Variants in PPP2R3B observed in about 807,000 individuals in gnomAD.
PPP2R3B encodes the protein serine/threonine-protein phosphatase 2A regulatory subunit B'' subunit beta.
In PPP2R3B, 68 loss-of-function variants were observed where a neutral mutation model predicts 72.9. That is an observed-to-expected ratio of 0.93 (90% CI 0.77 to 1.14). The LOEUF (loss-of-function observed/expected upper bound fraction) is 1.14. Ranked by LOEUF, PPP2R3B falls within the 50% of genes most tolerant of loss-of-function variation. The pLI is 0.00. For synonymous variants in PPP2R3B, 466 were observed against 375.8 expected (o/e 1.24, Z -2.78); for missense variants, 1,018 against 842.0 (o/e 1.21, Z -2.59).
At chrX:355,910 A>G (rs2071425381) in intron 2 of PPP2R3B, among the ~76,000 whole-genome samples, 1 of 152,070 alleles carries the variant, frequency 6.6e-6, no homozygotes, top group Admixed American at 6.5e-5. Context: ...GGTGCTGTGG[A>G]TAGTTTCATG....
At chrX:340,973 C>G in intron 9 of PPP2R3B, 33 bp from the exon 10 acceptor site, 1 of 1,600,366 alleles carries the variant, frequency 6.2e-7, no homozygotes, top group Non-Finnish European at 8.5e-7. Context: ...AGCCCCTGCC[C>G]TGGGCCCTCC....
At chrX:352,002 C>A (rs2071341766) in intron 2 of PPP2R3B, among the ~76,000 whole-genome samples, 2 of 152,172 alleles carry the variant, frequency 1.3e-5, no homozygotes, top group Non-Finnish European at 2.9e-5. Context: ...GACAGCTGCA[C>A]CCCCGGCGTC....
At chrX:379,211 CTGTGTATGCACCTG>C (rs1462820236) in intron 1 of PPP2R3B, among the ~76,000 whole-genome samples, 2 of 147,196 alleles carry the variant, frequency 1.4e-5, no homozygotes, top group Non-Finnish European at 3.0e-5. Flanking sequence ...GTGTATGCAC[CTGTGTATGCACCTG>C]TGTGTATGCA....
intron 1 of PPP2R3B, among the ~76,000 whole-genome samples, chrX:383,416 T>G (rs905161680): frequency 5.3e-5 from 8 of 152,172 alleles, no homozygotes; most frequent in Non-Finnish European, 1.2e-4. Context: ...ACATTCTGAA[T>G]ATTTCAGGCT....
rs1404809051 is a variant in PPP2R3B at position 345,499 on chromosome X, CCT to C, written c.1036+15_1036+16del. 1.2e-6 allele frequency: 2 copies of C among 1,612,340 alleles called. No homozygotes were observed. Among genetic ancestry groups the C allele is most frequent in the Non-Finnish European group, 8.5e-7 (1 of 1,179,398 alleles). ...TCGGTGTCCGCGCGGCCCGCCCGCC[CCT>C]GTGCCCCCACGCACCGTGGTCATTG... On this transcript the variant is annotated intron_variant, in intron 7 of 12. Transcript: ENST00000390665.
chrX:377,849 C>T (rs1310187694), intron 1 of PPP2R3B, among the ~76,000 whole-genome samples: 1 of 105,846 alleles, frequency 9.4e-6, no homozygotes, highest in Non-Finnish European at 1.9e-5. Context: ...ACGGGCCGTC[C>T]ACACCCAGTG....
In PPP2R3B at chrX:386,833, G is replaced by C. The variant is rs1037370353; in HGVS notation, c.-142C>G. On this transcript the variant is annotated 5_prime_UTR_variant, in exon 1 of 13. Coordinates refer to ENST00000390665, the MANE Select transcript of PPP2R3B (RefSeq NM_013239.5). Reference sequence around the variant, plus strand: ...CGCAGGGAACAGGGCCCGCGCCTCGGGAACTGCGCGGACTCGCGGGGCGCG... The same window carrying C: ...CGCAGGGAACAGGGCCCGCGCCTCGCGAACTGCGCGGACTCGCGGGGCGCG... 62 of 339,062 alleles carry C rather than the reference G, an allele frequency of 1.8e-4. No homozygotes were observed. The highest frequency in any genetic ancestry group is 3.3e-4 in the Admixed American group (6 of 18,144). 21.0% of individuals were successfully genotyped at this position (339,062 alleles called of 1,614,324 possible).
At chrX:351,018 G>GA (rs1244277948) in intron 2 of PPP2R3B, among the ~76,000 whole-genome samples, 3 of 152,166 alleles carry the variant, frequency 2.0e-5, no homozygotes, top group East Asian at 1.9e-4. Flanking sequence ...CCACGGGGGG[G>GA]CGTGGGGGAC....
Position 347,685 on chromosome X carries a change from G to A in PPP2R3B, c.519C>T (p.Gly173=), listed in dbSNP as rs1013992643. ...GCGGCCCCTTCCAGTAGAGGGGGCA[G>A]CCGCAGGCCTGGGGCAGAGAGGGCA... is the stretch of plus-strand genomic sequence containing the variant. ...DDMGLVAKAC[G]CPLYWKGPLF... is the part of the protein sequence containing the mutation. The change falls in exon 3 of 13, where the codon GGC becomes GGT. Residue 173 remains glycine (G), a synonymous_variant. Coordinates refer to ENST00000390665, the MANE Select transcript of PPP2R3B (RefSeq NM_013239.5). 1.2e-5 allele frequency: 18 copies of A among 1,538,624 alleles called. No individual in the cohort carries two copies. The African/African-American group carries it at 2.4e-4, about 20-fold the overall frequency.
rs1309479839 is a variant in PPP2R3B at position 345,289 on chromosome X, C to T, written c.1036+227G>A. 9 of 717,162 alleles carry T rather than the reference C, an allele frequency of 1.3e-5. No homozygotes were observed. The East Asian group carries it at 1.6e-4, about 13-fold the overall frequency. The allele number at this position is 717,162 out of a possible 1,614,324, so 44.4% of individuals were successfully genotyped here. On this transcript the variant is annotated intron_variant, in intron 7 of 12. Transcript: ENST00000390665. ...GCGGCCCACACTGACCCTGTAGACG[C>T]CCCCAGGCAGAGGCCTCGGGCAGAG...
intron 1 of PPP2R3B, among the ~76,000 whole-genome samples, chrX:384,922 T>G (rs1486513243): frequency 6.9e-6 from 1 of 145,832 alleles, no homozygotes; most frequent in East Asian, 2.0e-4. Flanking sequence ...GAGGCGGAGG[T>G]TGCAGTGAGC....
intron 10 of PPP2R3B, among the ~76,000 whole-genome samples, chrX:340,460 G>A (rs1249254698): frequency 5.2e-5 from 5 of 95,848 alleles, no homozygotes; most frequent in Admixed American, 1.0e-4. Flanking sequence ...CCCCCCTCCC[G>A]TCTGTCCCCT....
At chrX:385,532 G>A (rs977162770) in intron 1 of PPP2R3B, among the ~76,000 whole-genome samples, 3 of 152,036 alleles carry the variant, frequency 2.0e-5, no homozygotes, top group African/African-American at 7.2e-5. Context: ...AAGAAATACA[G>A]TGGGATTTTG....
rs754689430 is a variant in PPP2R3B at position 334,331 on chromosome X, G to C, written c.*36C>G. ...CGCGGTGGCCCGGTGGTGGCACGTG[G>C]GGAGCGGCCCCGCGGCGGCGTTCTC... On this transcript the variant is annotated 3_prime_UTR_variant, in exon 13 of 13. Coordinates refer to ENST00000390665, the MANE Select transcript of PPP2R3B (RefSeq NM_013239.5). 8.3e-6 allele frequency: 12 copies of C among 1,449,524 alleles called. No homozygotes were observed. In the African/African-American group the frequency reaches 1.6e-4, roughly 20 times the overall value. 89.8% of individuals were successfully genotyped at this position (1,449,524 alleles called of 1,614,324 possible).
intron 4 of PPP2R3B, 84 bp from the exon 5 acceptor site, chrX:346,859 C>G: frequency 7.7e-7 from 1 of 1,293,272 alleles, no homozygotes; most frequent in Non-Finnish European, 1.1e-6. Context: ...AGACGCGGAC[C>G]CTCCCGTGAG....
rs770539604 is a variant in PPP2R3B, at chrX:346,237, G to C, written c.816C>G (p.Ala272=). The C allele has an allele frequency of 1.0e-3, 1,581 of 1,572,082 alleles. 24 individuals carry two copies. The South Asian group carries it at 0.016, about 16-fold the overall frequency. ...ITTVIQRIFY[A]VNRSWSGRIT... ...TCCTGCCGGACCAGGACCGGTTCACGGCGTAGAAGATCCGCTGGATGACCT... is the reference window on the plus strand; with the variant it reads ...TCCTGCCGGACCAGGACCGGTTCACCGCGTAGAAGATCCGCTGGATGACCT... Residue 272 remains alanine (A), a synonymous_variant, in exon 6 of 13, where the codon GCC becomes GCG. Transcript: ENST00000390665.
intron 2 of PPP2R3B, among the ~76,000 whole-genome samples, chrX:349,346 G>A (rs2071282899): frequency 6.6e-6 from 1 of 152,038 alleles, no homozygotes; most frequent in Non-Finnish European, 1.5e-5. Flanking sequence ...ATGTCTTGCT[G>A]GTGACAAGCT....
intron 2 of PPP2R3B, among the ~76,000 whole-genome samples, chrX:352,802 G>A (rs187681860): frequency 1.3e-5 from 2 of 151,742 alleles, no homozygotes; most frequent in African/African-American, 2.4e-5. Context: ...CGCGTTCCTC[G>A]GCGGGTGACG....
intron 9 of PPP2R3B, 74 bp from the exon 10 acceptor site, chrX:341,014 C>CCCTGGGGCAG: frequency 1.9e-6 from 3 of 1,555,940 alleles, no homozygotes; most frequent in African/African-American, 3.1e-5. Flanking sequence ...CTGAGGCAGC[C>CCCTGGGGCAG]CCCACCGGGG....
Sources: gnomAD v4.1 joint callset for allele counts (sites outside exome capture counted in the v4.1 genomes callset) on GRCh38, gnomAD v4.1.1 for gene constraint, MANE v1.5 for transcripts, NCBI Gene and HGNC (gene_info 2026-07-23, HGNC 2026-07-21) for gene names.